The following CDCA2 variants were observed in gnomAD, a reference collection of about 807,000 sequenced individuals.
The protein encoded by CDCA2 is cell division cycle associated 2.
A neutral mutation model predicts 67.0 loss-of-function variants in CDCA2; 44 were observed. That is an observed-to-expected ratio of 0.66 (90% CI 0.52 to 0.84). CDCA2 has a LOEUF of 0.84. Ranked by LOEUF, CDCA2 falls within the 40% of genes least tolerant of loss-of-function variation. CDCA2 has a pLI of 0.00. For missense variants in CDCA2, 1,253 were observed against 1,203.2 expected, an observed-to-expected ratio of 1.04 and a Z score of -0.61; for synonymous variants, 447 against 418.7, an observed-to-expected ratio of 1.07 and a Z score of -0.82.
chr8:25,461,242 G>GGGCAA (rs1802673042), intron 3 of CDCA2, among the ~76,000 whole-genome samples: 1 of 142,732 alleles, frequency 7.0e-6, no homozygotes, highest in Non-Finnish European at 1.5e-5. Flanking sequence ...ATTCCAGCCT[G>GGGCAA]GGCAACAAGA....
rs546838431 is a variant in CDCA2, at chr8:25,467,221, C to T, written c.538+896C>T. On this transcript the variant is annotated intron_variant, in intron 5 of 14. Coordinates refer to ENST00000330560, the MANE Select transcript of CDCA2 (RefSeq NM_152562.4). ...AGAATGTGACAAAATCTTGGTCTTACTGTAATCATTATAACCATTCTCTGG... is the reference window on the plus strand; with the variant it reads ...AGAATGTGACAAAATCTTGGTCTTATTGTAATCATTATAACCATTCTCTGG... Among the ~76,000 whole-genome samples the T allele has an allele frequency of 5.9e-5, 9 of 151,714 alleles. No individual in the cohort carries two copies. In the East Asian group the frequency reaches 1.7e-3, roughly 29 times the overall value.
chr8:25,501,371 A>C (rs191443735), intron 13 of CDCA2, among the ~76,000 whole-genome samples: 1 of 152,194 alleles, frequency 6.6e-6, no homozygotes, highest in Non-Finnish European at 1.5e-5. Flanking sequence ...TGTCACCCAA[A>C]TGACCTTTCT....
At chr8:25,459,759 A>G (rs1802600576) in intron 1 of CDCA2, among the ~76,000 whole-genome samples, 1 of 152,092 alleles carries the variant, frequency 6.6e-6, no homozygotes, top group Non-Finnish European at 1.5e-5. Flanking sequence ...TTTCTGTTTA[A>G]TTTGGCTTTA....
At chr8:25,461,912 CTG>C (rs1323152735) in intron 3 of CDCA2, 140 bp from the exon 4 acceptor site, 9 of 709,078 alleles carry the variant, frequency 1.3e-5, no homozygotes, top group Non-Finnish European at 2.1e-5. Context: ...ATATGAATGA[CTG>C]TGCCAGTAAC....
chr8:25,503,511 C>G lies in CDCA2; in HGVS notation c.1810C>G (p.Pro604Ala), dbSNP rs772770925. 6.2e-6 allele frequency: 10 copies of G among 1,612,310 alleles called. No individual in the cohort carries two copies. The highest frequency in any genetic ancestry group is 1.3e-5 in the African/African-American group (1 of 74,796). The change falls in exon 14 of 15, where the codon CCT (proline) becomes GCT (alanine). Residue 604 changes from proline (P) to alanine (A), a missense_variant. Coordinates refer to ENST00000330560, the MANE Select transcript of CDCA2 (RefSeq NM_152562.4). ...PELPEVPEMT[P>A]SIPSIRRLGS... Reference sequence around the variant, plus strand: ...GCTGCCTGAAGTCCCTGAGATGACACCTTCCATTCCGAGCATCCGAAGACT... The same window carrying G: ...GCTGCCTGAAGTCCCTGAGATGACAGCTTCCATTCCGAGCATCCGAAGACT...
intron 6 of CDCA2, 119 bp downstream of exon 6, chr8:25,468,532 GGTGT>G (rs3841182): frequency 1.4e-4 from 59 of 424,284 alleles, no homozygotes; most frequent in South Asian, 7.1e-4. Flanking sequence ...TGGTTCCTGG[GGTGT>G]GTGTGTGTGT....
chr8:25,465,762 G>T (rs931053887), intron 4 of CDCA2, among the ~76,000 whole-genome samples: 3 of 152,086 alleles, frequency 2.0e-5, no homozygotes, highest in Non-Finnish European at 2.9e-5. Context: ...GTGTAGACCC[G>T]TGCTGAGTAG....
intron 5 of CDCA2, among the ~76,000 whole-genome samples, chr8:25,467,527 T>C (rs1449938087): frequency 6.6e-6 from 1 of 152,204 alleles, no homozygotes; most frequent in Non-Finnish European, 1.5e-5. Flanking sequence ...TACGTTGTGG[T>C]TGTCTTTTTC....
chr8:25,474,255 C>T (rs1304603334), intron 7 of CDCA2, among the ~76,000 whole-genome samples: 1 of 152,098 alleles, frequency 6.6e-6, no homozygotes, highest in Non-Finnish European at 1.5e-5. Flanking sequence ...GTATAATTTT[C>T]TTATATGTAG....
At chr8:25,477,921 T>G (rs1296387286) in intron 7 of CDCA2, among the ~76,000 whole-genome samples, 1 of 152,002 alleles carries the variant, frequency 6.6e-6, no homozygotes, top group Non-Finnish European at 1.5e-5. Flanking sequence ...ACCTTTCTTT[T>G]TCTTTTCCTT....
intron 10 of CDCA2, 124 bp downstream of exon 10, chr8:25,484,334 A>G: frequency 7.7e-7 from 1 of 1,305,908 alleles, no homozygotes. Flanking sequence ...CATGGTTTAA[A>G]TTAATCTATT....
In CDCA2 at chr8:25,488,540, CT is replaced by C; in HGVS notation, c.1534-9del. ...GTGCTTTACGGTATCCTACTTTACA[CT>C]TTCTTTATAGCAATTGGTCAGTGTT... On this transcript the variant is annotated splice_polypyrimidine_tract_variant and intron_variant, in intron 12 of 14. Transcript: ENST00000330560. The C allele has an allele frequency of 6.3e-7, 1 of 1,592,424 alleles. No individual in the cohort carries two copies. The highest frequency in any genetic ancestry group is 8.5e-7 in the Non-Finnish European group (1 of 1,171,870).
At chr8:25,501,171 A>G (rs1804459956) in intron 13 of CDCA2, among the ~76,000 whole-genome samples, 2 of 152,202 alleles carry the variant, frequency 1.3e-5, no homozygotes, top group Admixed American at 6.5e-5. Context: ...TGGACTTCTC[A>G]TAGAATTTCA....
chr8:25,478,888 GTATATATATATATA>G lies in CDCA2; in HGVS notation c.821-1013_821-1000del, dbSNP rs71511103. 4.4e-4 allele frequency among the ~76,000 whole-genome samples: 49 copies of G among 111,600 alleles called. 1 individual carries two copies. Among genetic ancestry groups the G allele is most frequent in the African/African-American group, 1.9e-3 (49 of 25,182 alleles). The allele number at this position is 111,600 out of a possible 152,430, so 73.2% of individuals were successfully genotyped here. ...TATATTAACTACTTGTTGTGTGTGT[GTATATATATATATA>G]TATATATATATTAACTTTTTACTTG... is the stretch of plus-strand genomic sequence containing the variant. On this transcript the variant is annotated intron_variant, in intron 7 of 14. Coordinates refer to ENST00000330560, the MANE Select transcript of CDCA2 (RefSeq NM_152562.4).
At chr8:25,503,747 G>GGA (rs1804567827) in intron 14 of CDCA2, among the ~76,000 whole-genome samples, 1 of 152,158 alleles carries the variant, frequency 6.6e-6, no homozygotes, top group African/African-American at 2.4e-5. Flanking sequence ...ATCCTTTTCA[G>GGA]AATCTGATGG....
At chr8:25,478,856 A>G (rs1803449414) in intron 7 of CDCA2, among the ~76,000 whole-genome samples, 1 of 143,646 alleles carries the variant, frequency 7.0e-6, no homozygotes, top group Admixed American at 7.2e-5. Context: ...TATTTTCCTT[A>G]ATAGCATATA....
chr8:25,479,878 C>G (rs1228569692), intron 7 of CDCA2, 35 bp from the exon 8 acceptor site: 1 of 1,590,070 alleles, frequency 6.3e-7, no homozygotes, highest in Non-Finnish European at 8.6e-7. Context: ...TTTAAGAGAT[C>G]TTCTGCCTCT....
intron 13 of CDCA2, among the ~76,000 whole-genome samples, chr8:25,496,074 C>T (rs111391396): frequency 2.0e-5 from 3 of 152,110 alleles, no homozygotes; most frequent in Admixed American, 6.6e-5. Flanking sequence ...GGTGAAATGG[C>T]TGCTTTCAGA....
chr8:25,478,888 G>GTGTATATA (rs1006353040), intron 7 of CDCA2, among the ~76,000 whole-genome samples: 6 of 111,596 alleles, frequency 5.4e-5, no homozygotes, highest in South Asian at 2.8e-4. Flanking sequence ...TTGTGTGTGT[G>GTGTATATA]TATATATATA....
Sources: gnomAD v4.1 joint callset for allele counts (sites outside exome capture counted in the v4.1 genomes callset) on GRCh38, gnomAD v4.1.1 for gene constraint, MANE v1.5 for transcripts, NCBI Gene and HGNC (gene_info 2026-07-23, HGNC 2026-07-21) for gene names.